The following DNAI4 variants were observed in gnomAD, a reference collection of about 807,000 sequenced individuals.
DNAI4 encodes dynein axonemal intermediate chain 4.
In DNAI4, 85 loss-of-function variants were observed where a neutral mutation model predicts 105.8. That is an observed-to-expected ratio of 0.80 (90% CI 0.67 to 0.96). The LOEUF is 0.96. DNAI4 is among the 40% of genes least tolerant of loss of function. The pLI is 0.00. For missense variants in DNAI4, 1,014 were observed against 1,005.6 expected (o/e 1.01, Z -0.11); for synonymous variants, 352 against 331.5 (o/e 1.06, Z -0.67).
intron 6 of DNAI4, 120 bp downstream of exon 6, chr1:66,871,250 G>A: frequency 1.2e-6 from 1 of 839,638 alleles, no homozygotes; most frequent in Non-Finnish European, 1.8e-6. Context: ...CTACTGTTGT[G>A]GTTTGGCCAA....
intron 1 of DNAI4, among the ~76,000 whole-genome samples, chr1:66,905,816 A>G (rs570606191): frequency 3.9e-4 from 60 of 152,270 alleles, no homozygotes; most frequent in Admixed American, 5.9e-4. Context: ...CCTGGCACAT[A>G]GTAAGCACAC....
intron 6 of DNAI4, among the ~76,000 whole-genome samples, chr1:66,865,119 G>A (rs1024777303): frequency 7.2e-5 from 11 of 152,044 alleles, no homozygotes; most frequent in African/African-American, 2.7e-4. Context: ...TGCAAATTAA[G>A]TAAATATTAA....
At chr1:66,835,432 GAGA>G (rs1188721826) in intron 11 of DNAI4, among the ~76,000 whole-genome samples, 191 bp downstream of exon 11, 2 of 152,222 alleles carry the variant, frequency 1.3e-5, no homozygotes, top group East Asian at 1.9e-4. Context: ...GAGATGGGCA[GAGA>G]AGAAGTTGAA....
intron 4 of DNAI4, among the ~76,000 whole-genome samples, chr1:66,876,871 C>A (rs900945555): frequency 6.6e-6 from 1 of 152,116 alleles, no homozygotes; most frequent in Non-Finnish European, 1.5e-5. Flanking sequence ...CCTAGTATGA[C>A]AATCATGGCT....
At chr1:66,828,771 A>AT (rs1469279541) in intron 13 of DNAI4, among the ~76,000 whole-genome samples, 2 of 151,960 alleles carry the variant, frequency 1.3e-5, no homozygotes, top group Non-Finnish European at 2.9e-5. Flanking sequence ...TATATTTAGC[A>AT]TTTTTTGTGC....
intron 4 of DNAI4, among the ~76,000 whole-genome samples, chr1:66,885,291 T>G (rs1464399865): frequency 1.3e-5 from 2 of 152,220 alleles, no homozygotes; most frequent in Non-Finnish European, 2.9e-5. Flanking sequence ...CCTTTCTTTA[T>G]GTAGATGCAA....
rs1428522841 is a variant in DNAI4 at position 66,900,348 on chromosome 1, GCCTT to G, written c.345+4849_345+4852del. The stretch of plus-strand genomic sequence containing the variant: ...ACTCCTGGTCTCAGGTGATCCACCT[GCCTT>G]GGCCTCCCAAAGTGCTGGGATTACA... On this transcript the variant is annotated intron_variant, in intron 2 of 16. Transcript: ENST00000371026. 7.2e-5 allele frequency among the ~76,000 whole-genome samples: 11 copies of G among 152,198 alleles called. No individual in the cohort carries two copies. In the East Asian group the frequency reaches 2.1e-3, roughly 29 times the overall value.
chr1:66,888,952 C>A (rs1647367182), intron 4 of DNAI4, among the ~76,000 whole-genome samples: 1 of 152,082 alleles, frequency 6.6e-6, no homozygotes, highest in South Asian at 2.1e-4. Context: ...CTAAAAAAAT[C>A]ATTCTGAATA....
chr1:66,906,991 C>T (rs1454263708), intron 1 of DNAI4: 1 of 152,106 alleles, frequency 6.6e-6, no homozygotes, highest in Non-Finnish European at 1.5e-5. Context: ...TCCAGGTCTC[C>T]TATCTTATTT....
chr1:66,881,557 A>G (rs972276908), intron 4 of DNAI4, among the ~76,000 whole-genome samples: 2 of 152,094 alleles, frequency 1.3e-5, no homozygotes, highest in Non-Finnish European at 2.9e-5. Context: ...GTTTTGGCCA[A>G]TTTCTCCCAT....
intron 1 of DNAI4, among the ~76,000 whole-genome samples, chr1:66,920,533 C>T (rs993404793): frequency 3.3e-5 from 5 of 152,148 alleles, no homozygotes; most frequent in Admixed American, 2.6e-4. Flanking sequence ...TGGATACCCT[C>T]CCCTAGATAC....
chr1:66,911,538 T>A (rs1467501466), intron 1 of DNAI4, among the ~76,000 whole-genome samples: 1 of 152,204 alleles, frequency 6.6e-6, no homozygotes, highest in Non-Finnish European at 1.5e-5. Context: ...ACCCCCATCC[T>A]CAAGCTACCT....
intron 7 of DNAI4, among the ~76,000 whole-genome samples, chr1:66,858,739 T>C (rs1053634546): frequency 6.6e-6 from 1 of 152,074 alleles, no homozygotes; most frequent in Non-Finnish European, 1.5e-5. Flanking sequence ...GAAAAAGTAC[T>C]TGACGAAATT....
chr1:66,880,763 T>C (rs186330517), intron 4 of DNAI4, among the ~76,000 whole-genome samples: 14 of 152,268 alleles, frequency 9.2e-5, no homozygotes, highest in Admixed American at 8.5e-4. Context: ...GAAATGTGGA[T>C]AAGTAATGAG....
rs1346023453 is a variant in DNAI4 at position 66,924,735 on chromosome 1, A to C, written c.97T>G (p.Cys33Gly). The C allele has an allele frequency of 6.2e-6, 10 of 1,613,880 alleles. No homozygotes were observed. The highest frequency in any genetic ancestry group is 7.6e-6 in the Non-Finnish European group (9 of 1,179,944). Reference protein sequence around the residue: ...DFRGGQKKGWCTTPQLVATMP... With the variant: ...DFRGGQKKGWGTTPQLVATMP... Reference sequence around the variant, plus strand: ...GTGGCGACCAGCTGGGGAGTGGTGCACCACCCCTTTTTTTGGCCGCCTCTG... The same window carrying C: ...GTGGCGACCAGCTGGGGAGTGGTGCCCCACCCCTTTTTTTGGCCGCCTCTG... Residue 33 changes from cysteine to glycine, a missense_variant, in exon 1 of 17, where the codon TGC (cysteine) becomes GGC (glycine). Coordinates refer to ENST00000371026, the MANE Select transcript of DNAI4 (RefSeq NM_024763.5).
At chr1:66,862,037 G>A (rs896893811) in intron 7 of DNAI4, 110 bp downstream of exon 7, 2 of 1,047,436 alleles carry the variant, frequency 1.9e-6, no homozygotes, top group Admixed American at 3.1e-5. Context: ...AGTAAAAGTT[G>A]TACTTTTCAT....
At chr1:66,857,675 C>T (rs1261153681) in intron 7 of DNAI4, among the ~76,000 whole-genome samples, 1 of 151,974 alleles carries the variant, frequency 6.6e-6, no homozygotes, top group African/African-American at 2.4e-5. Flanking sequence ...GCTGGGATTA[C>T]AGGCATGAAC....
intron 5 of DNAI4, among the ~76,000 whole-genome samples, chr1:66,873,420 A>C (rs1646891998): frequency 6.6e-6 from 1 of 151,888 alleles, no homozygotes; most frequent in Non-Finnish European, 1.5e-5. Flanking sequence ...TAATCAAAAA[A>C]GAAAAAAAAA....
At chr1:66,844,870 A>C (rs942127773) in intron 8 of DNAI4, among the ~76,000 whole-genome samples, 2 of 152,314 alleles carry the variant, frequency 1.3e-5, no homozygotes, top group South Asian at 2.1e-4. Flanking sequence ...AGAATATATA[A>C]AAATAAGCTC....
Sources: allele counts gnomAD v4.1 joint callset (sites outside exome capture counted in the v4.1 genomes callset), GRCh38; gene constraint gnomAD v4.1.1; transcripts MANE v1.5; gene names NCBI Gene and HGNC (gene_info 2026-07-23, HGNC 2026-07-21).